Variants in IGF2R observed in about 807,000 individuals in gnomAD.
IGF2R encodes the protein cation-independent mannose-6-phosphate receptor.
A neutral mutation model predicts 270.6 loss-of-function variants in IGF2R; 91 were observed. The observed-to-expected ratio is 0.34, with a 90% CI of 0.28 to 0.40. The LOEUF is 0.40. Ranked by LOEUF, IGF2R falls within the 10% of genes least tolerant of loss-of-function variation. The pLI, the probability that IGF2R is intolerant of heterozygous loss-of-function variation, is 1.00. For missense variants in IGF2R, 2,805 were observed against 3,188.3 expected, an observed-to-expected ratio of 0.88 and a Z score of 2.90; for synonymous variants, 1,316 against 1,258.9, an observed-to-expected ratio of 1.05 and a Z score of -0.96.
At chr6:160,031,815 G>A (rs1305905067) in intron 7 of IGF2R, among the ~76,000 whole-genome samples, 2 of 152,210 alleles carry the variant, frequency 1.3e-5, no homozygotes, top group Non-Finnish European at 2.9e-5. Context: ...GAAGCAGCAC[G>A]GCTATGCCCG....
intron 5 of IGF2R, 79 bp downstream of exon 5, chr6:160,024,783 T>G: frequency 6.8e-7 from 1 of 1,478,674 alleles, no homozygotes; most frequent in Non-Finnish European, 9.3e-7. Flanking sequence ...TTTCTACCTT[T>G]ATTTCTGTTT....
chr6:160,035,980 G>A (rs555827137), intron 10 of IGF2R, among the ~76,000 whole-genome samples: 8 of 152,266 alleles, frequency 5.3e-5, no homozygotes, highest in Admixed American at 3.9e-4. Context: ...TTAGGGCCTG[G>A]GCCTCCAGAC....
chr6:160,044,796 CT>C, intron 13 of IGF2R, 139 bp downstream of exon 13: 2 of 685,586 alleles, frequency 2.9e-6, no homozygotes, highest in Non-Finnish European at 4.7e-6. Context: ...GTTCCAGACT[CT>C]GGCGATGGGA....
In IGF2R at chr6:160,084,116, C is replaced by T. The variant is rs1476117468; in HGVS notation, c.6000C>T (p.His2000=). The T allele has an allele frequency of 1.9e-6, 3 of 1,614,182 alleles. No individual in the cohort carries two copies. The East Asian group carries it at 6.7e-5, about 36-fold the overall frequency. The part of the protein sequence containing the change: ...KKLECKFVQK[H]KTYDLRLLSS... The stretch of plus-strand genomic sequence containing the variant: ...TGGAGTGCAAATTCGTCCAGAAACA[C>T]AAAACCTACGACCTGCGGCTGCTCT... Residue 2000 remains histidine (H), a synonymous_variant, in exon 40 of 48, where the codon CAC becomes CAT. Transcript: ENST00000356956. This position sits in a 1 kb window ranked among gnomAD's most constrained non-coding sequence, Gnocchi z 4.6.
chr6:160,085,030 G>A lies in IGF2R; in HGVS notation c.6104G>A (p.Gly2035Glu). The A allele has an allele frequency of 6.2e-7, 1 of 1,614,048 alleles. No individual in the cohort carries two copies. Among genetic ancestry groups the A allele is most frequent in the Non-Finnish European group, 8.5e-7 (1 of 1,179,978 alleles). The stretch of plus-strand genomic sequence containing the variant: ...AATCTGTGCCAGAAAATATATAAAG[G>A]GCCCCTGGGCTGCTCTGAAAGGGCC... ...YINLCQKIYK[G>E]PLGCSERASI... Residue 2035 changes from glycine to glutamate, a missense_variant, in exon 41 of 48, where the codon GGG becomes GAG. By Grantham distance (98) the Gly-to-Glu change is moderately conservative. This residue lies in a region of IGF2R where 1,851 missense variants were observed against 2,207.2 expected (regional missense o/e 0.84). Transcript: ENST00000356956.
Position 160,069,935 on chromosome 6 carries a change from A to C in IGF2R, c.4320A>C (p.Val1440=). Residue 1440 remains valine, a synonymous_variant, in exon 31 of 48, where the codon GTA becomes GTC. Coordinates refer to ENST00000356956, the MANE Select transcript of IGF2R (RefSeq NM_000876.4). ...GGSKPVNLGR[V]RDGPQWRDGI... ...CCAAGCCCGTGAACCTCGGCAGGGT[A>C]AGGGACGGACCTCAGTGGAGAGATG... The C allele has an allele frequency of 6.2e-7, 1 of 1,614,200 alleles. No individual in the cohort carries two copies. Among genetic ancestry groups the C allele is most frequent in the Non-Finnish European group, 8.5e-7 (1 of 1,180,028 alleles).
intron 39 of IGF2R, among the ~76,000 whole-genome samples, chr6:160,082,712 C>T (rs79252940): frequency 9.2e-5 from 14 of 152,334 alleles, no homozygotes; most frequent in African/African-American, 3.4e-4. Flanking sequence ...CGATGAAAGG[C>T]TGTGTGCCAA....
intron 5 of IGF2R, among the ~76,000 whole-genome samples, chr6:160,025,974 A>G (rs763512040): frequency 1.1e-4 from 16 of 152,178 alleles, no homozygotes; most frequent in Non-Finnish European, 1.8e-4. Flanking sequence ...AATGACTTTG[A>G]TTCACAGTAG....
chr6:159,992,598 T>TCACACACACA (rs71033567), intron 2 of IGF2R, among the ~76,000 whole-genome samples: 98 of 146,260 alleles, frequency 6.7e-4, no homozygotes, highest in African/African-American at 2.4e-3. Context: ...AAGAATGAAA[T>TCACACACACA]CACACACACA....
chr6:160,103,818 A>G lies in IGF2R; in HGVS notation c.7065+3A>G, dbSNP rs1779548832. The G allele has an allele frequency of 6.2e-7, 1 of 1,605,166 alleles. No homozygotes were observed. Among genetic ancestry groups the G allele is most frequent in the Non-Finnish European group, 8.5e-7 (1 of 1,171,854 alleles). ...ACGTGTCCTACAAATACTCAAAGGT[A>G]ATTTTCTGTGGCGAGTCTCTTGAAG... is the stretch of plus-strand genomic sequence containing the variant. On this transcript the variant is annotated splice_donor_region_variant and intron_variant, in intron 47 of 47. Transcript: ENST00000356956.
At chr6:159,995,164 T>A (rs73019695) in intron 2 of IGF2R, among the ~76,000 whole-genome samples, 3,018 of 152,262 alleles carry the variant, frequency 0.02, 46 homozygotes, top group Non-Finnish European at 0.035. Flanking sequence ...TCTTGTTGAA[T>A]TGATCCCGTT....
chr6:160,045,715 G>C, intron 13 of IGF2R, 30 bp from the exon 14 acceptor site: 1 of 1,613,500 alleles, frequency 6.2e-7, no homozygotes, highest in South Asian at 1.1e-5. Context: ...GAACGGATTA[G>C]TGATCCCCAT....
chr6:160,010,639 T>C, intron 3 of IGF2R, 48 bp from the exon 4 acceptor site: 1 of 1,129,652 alleles, frequency 8.9e-7, no homozygotes, highest in South Asian at 1.3e-5. Flanking sequence ...GAAGAATCTT[T>C]ACAATGTGTG....
intron 4 of IGF2R, among the ~76,000 whole-genome samples, chr6:160,014,555 T>C (rs1013791185): frequency 6.6e-6 from 1 of 152,212 alleles, no homozygotes; most frequent in African/African-American, 2.4e-5. Flanking sequence ...ATCCTCTAAG[T>C]GTCTTGGTGA....
chr6:160,083,922 C>A (rs752380169), intron 39 of IGF2R, 28 bp from the exon 40 acceptor site: 9 of 1,446,710 alleles, frequency 6.2e-6, no homozygotes, highest in African/African-American at 1.4e-5. Context: ...ACAGTCTGAT[C>A]TCTCTCTCTT....
At chr6:159,992,105 C>T (rs936008304) in intron 2 of IGF2R, among the ~76,000 whole-genome samples, 4 of 152,108 alleles carry the variant, frequency 2.6e-5, no homozygotes, top group African/African-American at 7.2e-5. Context: ...AATGGATGCT[C>T]GTGACATAGA....
intron 10 of IGF2R, among the ~76,000 whole-genome samples, chr6:160,037,601 AC>A (rs754952161): frequency 9.2e-5 from 14 of 152,130 alleles, no homozygotes; most frequent in Admixed American, 2.0e-4. Flanking sequence ...AATATTTTTT[AC>A]CAGTTTAAAT....
Position 160,059,018 on chromosome 6 carries a change from C to A in IGF2R, c.3011C>A (p.Pro1004Gln), listed in dbSNP as rs201213784. The A allele has an allele frequency of 1.2e-6, 2 of 1,614,224 alleles. No individual in the cohort carries two copies. Among genetic ancestry groups the A allele is most frequent in the Admixed American group, 1.7e-5 (1 of 60,032 alleles). Residue 1004 changes from proline (P) to glutamine (Q), a missense_variant, in exon 22 of 48, where the codon CCA becomes CAA. Pro to Gln is a moderately conservative substitution (Grantham distance 76, BLOSUM62 -1). Around this residue, in one of 2 missense-constraint regions of IGF2R, gnomAD observed 1,851 missense variants for 2,207.2 expected, o/e 0.84. Transcript: ENST00000356956. The stretch of plus-strand genomic sequence containing the variant: ...CTCAAGAATTGGAAGCCAGCAAGGC[C>A]AGTCGGAATTGAGAAAAGCCTCCAG... ...EELKNWKPAR[P>Q]VGIEKSLQLS...
At chr6:159,985,935 G>A (rs146201348) in intron 1 of IGF2R, among the ~76,000 whole-genome samples, 46 of 152,312 alleles carry the variant, frequency 3.0e-4, no homozygotes, top group South Asian at 6.2e-4. Flanking sequence ...AAGAACCAGC[G>A]TTCTTGGAAA....
Sources: gnomAD v4.1 joint callset for allele counts (sites outside exome capture counted in the v4.1 genomes callset) on GRCh38, gnomAD v4.1.1 for gene constraint, gnomAD v4.1.1 regional missense constraint, Gnocchi (gnomAD v3.1) non-coding constraint, MANE v1.5 for transcripts, NCBI Gene and HGNC (gene_info 2026-07-23, HGNC 2026-07-21) for gene names.